CTPS2: variants seen among roughly 807,000 people sequenced by gnomAD.
CTPS2 encodes CTP synthase 2, also known as CTP synthase II.
A neutral mutation model predicts 46.8 loss-of-function variants in CTPS2; 19 were observed. The ratio of observed to expected loss-of-function variants is 0.41; its 90% CI spans 0.28 to 0.60. CTPS2 has a LOEUF of 0.60. Among genes scored for constraint, CTPS2 ranks in the 20% least tolerant of loss-of-function variants. The pLI, the probability that CTPS2 is intolerant of heterozygous loss-of-function variation, is 0.35. For synonymous variants in CTPS2, 151 were observed against 165.2 expected (o/e 0.91, Z 0.66); for missense variants, 286 against 447.6 (o/e 0.64, Z 3.26).
intron 14 of CTPS2, among the ~76,000 whole-genome samples, chrX:16,634,130 A>T (rs1429984063): frequency 8.9e-6 from 1 of 111,950 alleles, no homozygotes; most frequent in Non-Finnish European, 1.9e-5. Context: ...ACCAGAAAAG[A>T]CTACATAAAA....
At chrX:16,688,668 C>G (rs1446311997) in intron 8 of CTPS2, among the ~76,000 whole-genome samples, 3 of 111,232 alleles carry the variant, frequency 2.7e-5, no homozygotes. Context: ...TTATGCTGAA[C>G]AGTTAATGAA....
At chrX:16,664,147 T>C (rs893140026) in intron 13 of CTPS2, among the ~76,000 whole-genome samples, 1 of 112,129 alleles carries the variant, frequency 8.9e-6, no homozygotes, top group Non-Finnish European at 1.9e-5. Flanking sequence ...TGTGTAAAAA[T>C]TTTTTAACGC....
rs753324223 is a variant in CTPS2 at position 16,592,311 on chromosome X, TG to T, written c.1692-1450del. Among the ~76,000 whole-genome samples, 6 of 112,467 alleles carry T rather than the reference TG, an allele frequency of 5.3e-5. No individual in the cohort carries two copies. The East Asian group carries it at 1.7e-3, about 31-fold the overall frequency. ...ATCTGTTTTTTTGTTATCAGGGCCT[TG>T]GCCATGAACCTATGATGGGTAGAGG... On this transcript the variant is annotated intron_variant, in intron 17 of 18. Transcript: ENST00000359276.
At chrX:16,595,438 C>A (rs773652239) in intron 17 of CTPS2, among the ~76,000 whole-genome samples, 1 of 110,821 alleles carries the variant, frequency 9.0e-6, no homozygotes, top group East Asian at 2.8e-4. Flanking sequence ...TCCTGAGTAA[C>A]TAGGATTACA....
Position 16,678,388 on chromosome X carries a change from T to A in CTPS2, c.1068A>T (p.Glu356Asp). 1 of 1,202,603 alleles carries A rather than the reference T, an allele frequency of 8.3e-7. No homozygotes were observed. Among genetic ancestry groups the A allele is most frequent in the East Asian group, 3.0e-5 (1 of 33,784 alleles). Residue 356 changes from glutamate to aspartate, a missense_variant, in exon 10 of 19, where the codon GAA (glutamate) becomes GAT (aspartate). Coordinates refer to ENST00000359276, the MANE Select transcript of CTPS2 (RefSeq NM_175859.3). ...CAGCTTTGCATAGCTTCTGCCAAGC[T>A]TCATGAAATTTCACAGGGTCCTCGG... ...TETEDPVKFHEAWQKLCKADG... is the reference protein window; with the variant it reads ...TETEDPVKFHDAWQKLCKADG...
intron 1 of CTPS2, among the ~76,000 whole-genome samples, chrX:16,703,614 A>C (rs913265537): frequency 1.8e-5 from 2 of 112,074 alleles, no homozygotes; most frequent in Non-Finnish European, 3.8e-5. Context: ...TACAAAAGTG[A>C]GCCACCATGC....
intron 9 of CTPS2, among the ~76,000 whole-genome samples, chrX:16,679,457 A>G (rs1015203261): frequency 1.8e-5 from 2 of 111,669 alleles, no homozygotes; most frequent in Non-Finnish European, 3.8e-5. Flanking sequence ...AGTGGTAGCC[A>G]CTCTGGGACC....
chrX:16,703,724 T>C (rs1924766074), intron 1 of CTPS2, among the ~76,000 whole-genome samples: 1 of 111,778 alleles, frequency 8.9e-6, no homozygotes. Context: ...CTTTTTATTG[T>C]TGTCACTATA....
chrX:16,601,485 G>C (rs1260243899), intron 17 of CTPS2, among the ~76,000 whole-genome samples: 1 of 108,199 alleles, frequency 9.2e-6, no homozygotes, highest in Admixed American at 9.9e-5. Flanking sequence ...AGACACAACA[G>C]GCAAAACCCT....
At chrX:16,639,049 A>T (rs1161497387) in intron 14 of CTPS2, 98 bp downstream of exon 14, 1 of 631,321 alleles carries the variant, frequency 1.6e-6, no homozygotes, top group African/African-American at 2.2e-5. Flanking sequence ...GGATGCTGGA[A>T]GGGGCAGGGG....
intron 10 of CTPS2, among the ~76,000 whole-genome samples, chrX:16,673,784 T>A (rs1182312840): frequency 8.9e-6 from 1 of 111,813 alleles, no homozygotes; most frequent in Non-Finnish European, 1.9e-5. Context: ...TCTCAATGCT[T>A]TAAGGTCATA....
At chrX:16,628,930 A>ACAGT (rs1295264186) in intron 14 of CTPS2, among the ~76,000 whole-genome samples, 2 of 111,879 alleles carry the variant, frequency 1.8e-5, no homozygotes, top group Non-Finnish European at 3.8e-5. Context: ...CCACACTTAA[A>ACAGT]CAGTGCCTTT....
intron 13 of CTPS2, among the ~76,000 whole-genome samples, chrX:16,662,841 A>G (rs1471846149): frequency 1.8e-5 from 2 of 111,204 alleles, no homozygotes; most frequent in East Asian, 5.6e-4. Flanking sequence ...TTATGTGTAT[A>G]GGAGCCATCA....
chrX:16,655,669 A>G (rs921811936), intron 13 of CTPS2, among the ~76,000 whole-genome samples: 2 of 112,180 alleles, frequency 1.8e-5, no homozygotes, highest in African/African-American at 6.5e-5. Context: ...CGGAAGCTAG[A>G]TTTTTATTTC....
At chrX:16,635,580 A>G (rs1370139702) in intron 14 of CTPS2, among the ~76,000 whole-genome samples, 2 of 111,922 alleles carry the variant, frequency 1.8e-5, no homozygotes, top group Non-Finnish European at 1.9e-5. Context: ...AGGCTGAGGC[A>G]GGAGAATCAC....
chrX:16,668,883 A>G (rs1477735802), intron 11 of CTPS2, among the ~76,000 whole-genome samples: 4 of 111,308 alleles, frequency 3.6e-5, no homozygotes, highest in African/African-American at 1.3e-4. Flanking sequence ...CCCTGAGTTG[A>G]GGCATCTTAG....
chrX:16,670,739 G>A, intron 10 of CTPS2, 65 bp from the exon 11 acceptor site: 2 of 747,800 alleles, frequency 2.7e-6, no homozygotes, highest in Non-Finnish European at 4.0e-6. Flanking sequence ...AGTGTATTCA[G>A]CCATTCGTGC....
intron 16 of CTPS2, among the ~76,000 whole-genome samples, chrX:16,615,477 T>C (rs776981904): frequency 8.9e-6 from 1 of 112,131 alleles, no homozygotes; most frequent in South Asian, 3.8e-4. Flanking sequence ...AGAAGGTCAC[T>C]GTGATGTTTC....
Position 16,702,930 on chromosome X carries a change from C to G in CTPS2, c.-28G>C. 1 of 1,160,191 alleles carries G rather than the reference C, an allele frequency of 8.6e-7. No individual in the cohort carries two copies. The highest frequency in any genetic ancestry group is 1.2e-6 in the Non-Finnish European group (1 of 860,053). On this transcript the variant is annotated 5_prime_UTR_variant, in exon 2 of 19. Coordinates refer to ENST00000359276, the MANE Select transcript of CTPS2 (RefSeq NM_175859.3). Reference sequence around the variant, plus strand: ...GCAGAATAGTGGCTGGGTGCCAACACCCAGATATAATCTGAAAGGCAATAA... The same window carrying G: ...GCAGAATAGTGGCTGGGTGCCAACAGCCAGATATAATCTGAAAGGCAATAA...
Sources: gnomAD v4.1 joint callset for allele counts (sites outside exome capture counted in the v4.1 genomes callset) on GRCh38, gnomAD v4.1.1 for gene constraint, MANE v1.5 for transcripts, NCBI Gene and HGNC (gene_info 2026-07-23, HGNC 2026-07-21) for gene names.